Variants in MED13L observed in about 807,000 individuals in gnomAD.
MED13L encodes the protein mediator complex subunit 13L.
In MED13L, 7 loss-of-function variants were observed where a neutral mutation model predicts 220.9. The ratio of observed to expected loss-of-function variants is 0.03; its 90% CI spans 0.02 to 0.06. The LOEUF (loss-of-function observed/expected upper bound fraction) is 0.06. Ranked by LOEUF, MED13L falls within the 10% of genes least tolerant of loss-of-function variation. The probability of loss-of-function intolerance (pLI) is 1.00; values close to 1 mark genes in which losing one functional copy is unlikely to be tolerated. For missense variants in MED13L, 1,965 were observed against 2,760.5 expected (o/e 0.71, Z 6.46); for synonymous variants, 1,011 against 1,015.2 (o/e 1.00, Z 0.08).
rs193197665 is a variant in MED13L at position 116,116,036 on chromosome 12, T to C, written c.311-4524A>G. Among the ~76,000 whole-genome samples, 14 of 152,356 alleles carry C rather than the reference T, an allele frequency of 9.2e-5. No individual in the cohort carries two copies. The East Asian group carries it at 2.1e-3, about 23-fold the overall frequency. ...ATATGACAATATCCCGTCGTAATAT[T>C]GTGAAACACATATTTGGTCCTGTTT... On this transcript the variant is annotated intron_variant, in intron 2 of 30. Coordinates refer to ENST00000281928, the MANE Select transcript of MED13L (RefSeq NM_015335.5).
chr12:116,052,422 G>A (rs914819946), intron 4 of MED13L, among the ~76,000 whole-genome samples: 1 of 152,190 alleles, frequency 6.6e-6, no homozygotes, highest in Non-Finnish European at 1.5e-5. Context: ...ATTTGGTTCT[G>A]CAGGAGATAG....
At chr12:116,261,611 G>A (rs1369360080) in intron 1 of MED13L, among the ~76,000 whole-genome samples, 1 of 151,632 alleles carries the variant, frequency 6.6e-6, no homozygotes, top group Non-Finnish European at 1.5e-5. Context: ...TTAAAAGCAA[G>A]AACCCAGGCT....
At chr12:116,113,741 G>A (rs1874280784) in intron 2 of MED13L, among the ~76,000 whole-genome samples, 1 of 111,434 alleles carries the variant, frequency 9.0e-6, no homozygotes, top group African/African-American at 3.4e-5. Flanking sequence ...GAGGGGGAGG[G>A]GAAGAGGGAA....
chr12:116,143,042 C>T (rs888424158), intron 2 of MED13L, among the ~76,000 whole-genome samples: 2 of 152,094 alleles, frequency 1.3e-5, no homozygotes, highest in East Asian at 1.9e-4. Flanking sequence ...GGTTTGCTCT[C>T]GGCCAAATGA....
chr12:116,102,313 G>A (rs971036035), intron 3 of MED13L, among the ~76,000 whole-genome samples: 3 of 152,162 alleles, frequency 2.0e-5, no homozygotes, highest in Non-Finnish European at 2.9e-5. Context: ...AGCCTAGCTC[G>A]GGAAGCCATT....
intron 2 of MED13L, among the ~76,000 whole-genome samples, chr12:116,159,260 C>T (rs942610120): frequency 1.3e-5 from 2 of 152,152 alleles, no homozygotes; most frequent in African/African-American, 4.8e-5. Context: ...TTATGTCCAA[C>T]AAATGGAGGT....
intron 1 of MED13L, among the ~76,000 whole-genome samples, chr12:116,246,774 G>A (rs1421580888): frequency 9.6e-6 from 1 of 104,370 alleles, no homozygotes; most frequent in African/African-American, 3.8e-5. Context: ...AGGGAGGTGG[G>A]GAAGGGAGGG....
chr12:116,208,865 A>G (rs1882518949), intron 2 of MED13L, among the ~76,000 whole-genome samples: 1 of 152,090 alleles, frequency 6.6e-6, no homozygotes, highest in African/African-American at 2.4e-5. Flanking sequence ...GCTACTTCGG[A>G]GGCTGAGATG....
At chr12:116,092,773 T>TG (rs11455956) in intron 4 of MED13L, among the ~76,000 whole-genome samples, 2,350 of 151,380 alleles carry the variant, frequency 0.016, 25 homozygotes, top group Non-Finnish European at 0.023. Context: ...ATATGTGTGG[T>TG]GGGGGGGGTG....
intron 1 of MED13L, among the ~76,000 whole-genome samples, chr12:116,255,479 T>A (rs1871965128): frequency 6.6e-6 from 1 of 152,222 alleles, no homozygotes. Flanking sequence ...ATGGCAAAGA[T>A]GTCTTAGGAC....
At chr12:115,971,350 C>G (rs1371333997) in intron 26 of MED13L, among the ~76,000 whole-genome samples, 1 of 152,182 alleles carries the variant, frequency 6.6e-6, no homozygotes, top group Non-Finnish European at 1.5e-5. Context: ...CTAATGAGGA[C>G]ATCTGTCTCT....
intron 2 of MED13L, among the ~76,000 whole-genome samples, chr12:116,128,313 A>G (rs1875768016): frequency 6.6e-6 from 1 of 152,200 alleles, no homozygotes; most frequent in African/African-American, 2.4e-5. Flanking sequence ...AAGGATTTTT[A>G]TACTACGCAA....
At chr12:116,143,248 C>A (rs1877226579) in intron 2 of MED13L, among the ~76,000 whole-genome samples, 1 of 151,730 alleles carries the variant, frequency 6.6e-6, no homozygotes. Context: ...GTGGCTCAGG[C>A]CTGTAATCCC....
intron 19 of MED13L, among the ~76,000 whole-genome samples, chr12:115,985,948 A>G (rs1877659693): frequency 6.6e-6 from 1 of 152,250 alleles, no homozygotes; most frequent in South Asian, 2.1e-4. Flanking sequence ...CTCATCTTCT[A>G]CATAGCCACA....
intron 2 of MED13L, chr12:116,232,276 G>A (rs952476652): frequency 9.4e-6 from 2 of 211,884 alleles, no homozygotes; most frequent in Admixed American, 6.5e-5. Flanking sequence ...CTGTTATAGG[G>A]ACAATCATTT....
chr12:116,027,230 T>C (rs1022306460), intron 4 of MED13L, among the ~76,000 whole-genome samples: 2 of 152,118 alleles, frequency 1.3e-5, no homozygotes, highest in African/African-American at 4.8e-5. Context: ...AGGACTAACC[T>C]GTGCAACATG....
chr12:116,150,717 C>A (rs569642152), intron 2 of MED13L, among the ~76,000 whole-genome samples: 18 of 152,220 alleles, frequency 1.2e-4, no homozygotes, highest in African/African-American at 3.9e-4. Flanking sequence ...CAGCTCTAAG[C>A]CAGAAAATAG....
intron 2 of MED13L, among the ~76,000 whole-genome samples, chr12:116,119,838 A>AATATATATATATATATAT (rs1555213243): frequency 1.9e-4 from 6 of 31,586 alleles, no homozygotes; most frequent in African/African-American, 8.2e-4. Context: ...AAAAAAAAAA[A>AATATATATATATATATAT]ATATATATAT....
intron 4 of MED13L, among the ~76,000 whole-genome samples, chr12:116,093,959 T>C (rs1433639435): frequency 6.6e-6 from 1 of 152,166 alleles, no homozygotes. Context: ...TATAACCCTC[T>C]AAGACATTAT....
Sources: allele counts gnomAD v4.1 joint callset (sites outside exome capture counted in the v4.1 genomes callset), GRCh38; gene constraint gnomAD v4.1.1; transcripts MANE v1.5; gene names NCBI Gene and HGNC (gene_info 2026-07-23, HGNC 2026-07-21).